Variants in LCP2 observed in about 807,000 individuals in gnomAD.
LCP2 encodes the protein 76 kDa tyrosine phosphoprotein.
Under a neutral mutation model 74.5 loss-of-function variants are expected in LCP2, and 29 were observed. The ratio of observed to expected loss-of-function variants is 0.39; its 90% confidence interval spans 0.29 to 0.53. LCP2 has a LOEUF of 0.53. Ranked by LOEUF, LCP2 falls within the 20% of genes least tolerant of loss-of-function variation. The pLI is 0.72. For missense variants in LCP2, 604 were observed against 634.6 expected, an observed-to-expected ratio of 0.95 and a Z score of 0.52; for synonymous variants, 228 against 229.5, an observed-to-expected ratio of 0.99 and a Z score of 0.06.
At chr5:170,251,113 A>C in intron 19 of LCP2, 1 of 450,248 alleles carries the variant, frequency 2.2e-6, no homozygotes, top group Non-Finnish European at 3.9e-6. Context: ...AGATTGTATC[A>C]AAGAAATTTC....
chr5:170,288,675 C>T (rs1396464766), intron 2 of LCP2, among the ~76,000 whole-genome samples: 1 of 152,188 alleles, frequency 6.6e-6, no homozygotes, highest in Non-Finnish European at 1.5e-5. Flanking sequence ...CCAGCATTCC[C>T]ATTTTGAAAG....
chr5:170,295,603 T>A (rs996126883), intron 1 of LCP2, among the ~76,000 whole-genome samples: 4 of 152,236 alleles, frequency 2.6e-5, no homozygotes. Context: ...CTGACCCCAC[T>A]ACTTGGGTAG....
chr5:170,274,353 G>A lies in LCP2; in HGVS notation c.287-15C>T, dbSNP rs762874522. 6 of 1,612,146 alleles carry A rather than the reference G, an allele frequency of 3.7e-6. No individual in the cohort carries two copies. The African/African-American group carries it at 4.0e-5, about 11-fold the overall frequency. On this transcript the variant is annotated splice_polypyrimidine_tract_variant and intron_variant, in intron 5 of 20. Coordinates refer to ENST00000046794, the MANE Select transcript of LCP2 (RefSeq NM_005565.5). The stretch of plus-strand genomic sequence containing the variant: ...TTCGTGGCTTTCTGTGGAAGGAGAT[G>A]ACACCACCATCAGCACTGAAGAAAA...
At chr5:170,258,491 C>T (rs888828880) in intron 15 of LCP2, 4 of 344,498 alleles carry the variant, frequency 1.2e-5, no homozygotes, top group Non-Finnish European at 2.1e-5. Flanking sequence ...AAATGATTTA[C>T]AAGTTTTGTT....
intron 17 of LCP2, among the ~76,000 whole-genome samples, chr5:170,254,608 T>C (rs1761516757): frequency 6.6e-6 from 1 of 152,132 alleles, no homozygotes; most frequent in Non-Finnish European, 1.5e-5. Context: ...TTTTTTGCAG[T>C]CCAACACTTG....
chr5:170,282,497 C>T (rs1249065479), intron 3 of LCP2, among the ~76,000 whole-genome samples: 6 of 152,164 alleles, frequency 3.9e-5, no homozygotes, highest in Non-Finnish European at 8.8e-5. Context: ...CAAGGTCCTA[C>T]AGCTGGTGGG....
At chr5:170,250,026 C>T (rs1027491502) in intron 20 of LCP2, among the ~76,000 whole-genome samples, 62 of 152,298 alleles carry the variant, frequency 4.1e-4, no homozygotes, top group African/African-American at 1.5e-3. Flanking sequence ...TTAACATTAT[C>T]ATAACAGAAG....
chr5:170,290,978 A>AAGAG (rs72334148), intron 2 of LCP2, among the ~76,000 whole-genome samples: 35 of 124,440 alleles, frequency 2.8e-4, no homozygotes, highest in Middle Eastern at 4.1e-3. Flanking sequence ...GAAAGAAAGA[A>AAGAG]AGAAAGAAAG....
intron 3 of LCP2, among the ~76,000 whole-genome samples, chr5:170,285,083 T>C (rs1762162514): frequency 6.6e-6 from 1 of 152,296 alleles, no homozygotes; most frequent in Non-Finnish European, 1.5e-5. Context: ...TTGTTTTAGT[T>C]TTTTTTCTCT....
At chr5:170,250,597 A>T (rs1761413634) in intron 20 of LCP2, 133 bp downstream of exon 20, 13 of 694,564 alleles carry the variant, frequency 1.9e-5, no homozygotes, top group Non-Finnish European at 3.3e-5. Flanking sequence ...CTTCCAATAA[A>T]TGAAGGGCTT....
chr5:170,270,509 A>G (rs56245719), intron 7 of LCP2: 25,692 of 536,652 alleles, frequency 0.048, 732 homozygotes, highest in South Asian at 0.079. Flanking sequence ...TGGTCTGTAC[A>G]TTTATTATCC....
chr5:170,251,186 G>T, intron 19 of LCP2: 1 of 265,092 alleles, frequency 3.8e-6, no homozygotes, highest in Non-Finnish European at 7.2e-6. Flanking sequence ...ATAAATAATG[G>T]GTGGTTGAGT....
intron 16 of LCP2, among the ~76,000 whole-genome samples, chr5:170,257,134 C>T (rs1761568258): frequency 6.6e-6 from 1 of 152,182 alleles, no homozygotes; most frequent in Non-Finnish European, 1.5e-5. Context: ...AGCAGCAACT[C>T]CTGCACCCAT....
intron 3 of LCP2, among the ~76,000 whole-genome samples, chr5:170,283,249 A>G (rs1762132742): frequency 6.6e-6 from 1 of 152,194 alleles, no homozygotes; most frequent in African/African-American, 2.4e-5. Context: ...AGAGAGCTAA[A>G]GAAAGATCCC....
chr5:170,251,425 T>C (rs1249164808), intron 19 of LCP2: 1 of 215,090 alleles, frequency 4.6e-6, no homozygotes, highest in Non-Finnish European at 9.8e-6. Context: ...CTTTTCTTTT[T>C]TCTGATATTT....
Position 170,268,398 on chromosome 5 carries a change from C to T in LCP2, c.608G>A (p.Gly203Asp), listed in dbSNP as rs1761809246. Residue 203 changes from glycine (G) to aspartate (D), a missense_variant, in exon 8 of 21, where the codon GGC (glycine) becomes GAC (aspartate). Physicochemically the swap from Gly to Asp is moderately conservative, Grantham distance 94. Coordinates refer to ENST00000046794, the MANE Select transcript of LCP2 (RefSeq NM_005565.5). ...GAGGAGGCCTACCGAGTGATTCCGGCCGGCTGGTGGGGGCGGGAGGGCGGC... is the reference window on the plus strand; with the variant it reads ...GAGGAGGCCTACCGAGTGATTCCGGTCGGCTGGTGGGGGCGGGAGGGCGGC... Reference protein sequence around the residue: ...PMAALPPPPAGRNHSPLPPPQ... With the variant: ...PMAALPPPPADRNHSPLPPPQ... 2 of 784,430 alleles carry T rather than the reference C, an allele frequency of 2.5e-6. No homozygotes were observed. The highest frequency in any genetic ancestry group is 3.3e-6 in the Non-Finnish European group (2 of 599,940). 48.6% of individuals were successfully genotyped at this position (784,430 alleles called of 1,614,324 possible).
At position 170,270,711 on chromosome 5, in the gene LCP2, G is replaced by A. The variant is rs76200357; in HGVS notation, c.523+8C>T. On this transcript the variant is annotated splice_region_variant and intron_variant, in intron 7 of 20. Transcript: ENST00000046794. ...CTCGGGCCAGAAAATCCGGAAACGG[G>A]CCCTTACCGATGTACATGGAGTTGG... 8.2e-4 allele frequency: 1,286 copies of A among 1,564,798 alleles called. 11 individuals carry two copies. In the African/African-American group the frequency reaches 0.016, roughly 19 times the overall value.
chr5:170,287,152 T>C (rs1762195929), intron 3 of LCP2, among the ~76,000 whole-genome samples: 1 of 152,238 alleles, frequency 6.6e-6, no homozygotes, highest in Admixed American at 6.5e-5. Context: ...CACCATTCTC[T>C]ATTGCTTCAC....
chr5:170,275,369 A>G lies in LCP2; in HGVS notation c.255-18T>C. 1 of 1,613,908 alleles carries G rather than the reference A, an allele frequency of 6.2e-7. No individual in the cohort carries two copies. The highest frequency in any genetic ancestry group is 8.5e-7 in the Non-Finnish European group (1 of 1,179,824). On this transcript the variant is annotated intron_variant, in intron 4 of 20. Coordinates refer to ENST00000046794, the MANE Select transcript of LCP2 (RefSeq NM_005565.5). ...CTTGGGGTCTGCAAAGGTAAATAGCACTGCATTAATGGTCTTCTCGATTTA... is the reference window on the plus strand; with the variant it reads ...CTTGGGGTCTGCAAAGGTAAATAGCGCTGCATTAATGGTCTTCTCGATTTA...
Sources: allele counts gnomAD v4.1 joint callset (sites outside exome capture counted in the v4.1 genomes callset), GRCh38; gene constraint gnomAD v4.1.1; transcripts MANE v1.5; gene names NCBI Gene and HGNC (gene_info 2026-07-23, HGNC 2026-07-21).